The following SCRG1 variants were observed in gnomAD, a reference collection of about 807,000 sequenced individuals.
SCRG1 encodes scrapie-responsive protein 1.
A neutral mutation model predicts 7.7 loss-of-function variants in SCRG1; 3 were observed. That is an observed-to-expected ratio of 0.39 (90% CI 0.18 to 1.01). The LOEUF (loss-of-function observed/expected upper bound fraction) is 1.01, where lower values mean the gene tolerates loss of function less well. SCRG1 is among the 50% of genes least tolerant of loss of function. The pLI is 0.36. For synonymous variants in SCRG1, 46 were observed against 41.2 expected (o/e 1.12, Z -0.44); for missense variants, 110 against 117.2 (o/e 0.94, Z 0.28).
chr4:173,418,080 C>T, the SCRG1 span, among the ~76,000 whole-genome samples: 25 of 151,998 alleles, frequency 1.6e-4, no homozygotes, highest in Non-Finnish European at 3.2e-4. Flanking sequence ...TGGCAATTGG[C>T]ATAGATCCCA....
At chr4:173,426,701 T>C in the SCRG1 span, among the ~76,000 whole-genome samples, 20 of 152,188 alleles carry the variant, frequency 1.3e-4, no homozygotes. Flanking sequence ...ACTCCTGGGC[T>C]CAAGCAGTCC....
At chr4:173,464,417 TCAATTAA>T in the SCRG1 span, among the ~76,000 whole-genome samples, 2 of 152,204 alleles carry the variant, frequency 1.3e-5, no homozygotes, top group Non-Finnish European at 2.9e-5. Context: ...TTGTACCTTC[TCAATTAA>T]CAAAATAACC....
the SCRG1 span, among the ~76,000 whole-genome samples, chr4:173,423,846 T>C: frequency 6.6e-6 from 1 of 152,166 alleles, no homozygotes; most frequent in Non-Finnish European, 1.5e-5. Context: ...GGCATAGTAC[T>C]AGTGTCTGCT....
At chr4:173,463,185 G>A in the SCRG1 span, among the ~76,000 whole-genome samples, 9 of 152,142 alleles carry the variant, frequency 5.9e-5, no homozygotes, top group Non-Finnish European at 8.8e-5. Flanking sequence ...AGCTGCCTTG[G>A]GTGTAGGAAT....
chr4:173,494,177 C>A, the SCRG1 span, among the ~76,000 whole-genome samples: 2 of 152,158 alleles, frequency 1.3e-5, no homozygotes, highest in African/African-American at 4.8e-5. Context: ...CAGGTACGTG[C>A]ACACCCAGGC....
chr4:173,408,746 C>A (rs1739972821), upstream of SCRG1, among the ~76,000 whole-genome samples: 2 of 152,084 alleles, frequency 1.3e-5, no homozygotes, highest in African/African-American at 2.4e-5. Flanking sequence ...GTAATCCCAG[C>A]ATTTTGGGAG....
chr4:173,457,498 T>G, the SCRG1 span, among the ~76,000 whole-genome samples: 1 of 152,180 alleles, frequency 6.6e-6, no homozygotes, highest in Non-Finnish European at 1.5e-5. Flanking sequence ...CTTTATCAAT[T>G]AAAAACATAA....
At chr4:173,423,624 T>C in the SCRG1 span, among the ~76,000 whole-genome samples, 3 of 152,176 alleles carry the variant, frequency 2.0e-5, no homozygotes, top group Non-Finnish European at 4.4e-5. Context: ...AATACTTTCA[T>C]ATACTATAAT....
the SCRG1 span, among the ~76,000 whole-genome samples, chr4:173,415,355 G>A: frequency 3.3e-5 from 5 of 152,168 alleles, no homozygotes; most frequent in South Asian, 4.1e-4. Context: ...TGTAACCCCC[G>A]TTTCCTTTTT....
the SCRG1 span, among the ~76,000 whole-genome samples, chr4:173,476,514 A>G: frequency 1.6e-4 from 25 of 151,852 alleles, no homozygotes; most frequent in Non-Finnish European, 2.4e-4. Flanking sequence ...GAGCCCACCC[A>G]ATGCCTTGGT....
chr4:173,449,925 C>T, the SCRG1 span, among the ~76,000 whole-genome samples: 2 of 152,168 alleles, frequency 1.3e-5, no homozygotes, highest in South Asian at 2.1e-4. Flanking sequence ...AATAGTCTGA[C>T]ATTATACAGT....
At chr4:173,472,261 T>C in the SCRG1 span, among the ~76,000 whole-genome samples, 1 of 152,248 alleles carries the variant, frequency 6.6e-6, no homozygotes, top group Non-Finnish European at 1.5e-5. Flanking sequence ...TTTATGATTT[T>C]CTTTACCAGT....
the SCRG1 span, among the ~76,000 whole-genome samples, chr4:173,479,190 G>C: frequency 6.6e-6 from 1 of 152,108 alleles, no homozygotes; most frequent in Non-Finnish European, 1.5e-5. Flanking sequence ...GGGGACTCCT[G>C]CACAGAACTC....
the SCRG1 span, chr4:173,420,246 A>C: frequency 3.9e-6 from 1 of 256,688 alleles, no homozygotes; most frequent in South Asian, 4.4e-5. Context: ...ACCTTGATCT[A>C]CTTTTTTCTC....
chr4:173,427,320 C>G, the SCRG1 span, among the ~76,000 whole-genome samples: 1 of 151,854 alleles, frequency 6.6e-6, no homozygotes, highest in Non-Finnish European at 1.5e-5. Flanking sequence ...GTGGAAAAAG[C>G]AAAAACAAGA....
the SCRG1 span, among the ~76,000 whole-genome samples, chr4:173,420,916 G>A: frequency 1.1e-4 from 17 of 152,264 alleles, no homozygotes; most frequent in African/African-American, 4.1e-4. Flanking sequence ...AGTGTGTGAG[G>A]TGGGGCAGGG....
the SCRG1 span, among the ~76,000 whole-genome samples, chr4:173,416,311 G>A: frequency 6.6e-6 from 1 of 152,240 alleles, no homozygotes; most frequent in African/African-American, 2.4e-5. Flanking sequence ...ACGCCTGTGC[G>A]CAGATCCTGT....
chr4:173,502,541 A>G, the SCRG1 span, among the ~76,000 whole-genome samples: 1 of 152,126 alleles, frequency 6.6e-6, no homozygotes, highest in Non-Finnish European at 1.5e-5. This position sits in a 1 kb window ranked among gnomAD's most constrained non-coding sequence, Gnocchi z 4.6. Flanking sequence ...TAAGCCTGCA[A>G]GTTTAAGAGA....
the SCRG1 span, among the ~76,000 whole-genome samples, chr4:173,483,950 A>C: frequency 4.8e-5 from 4 of 84,124 alleles, no homozygotes; most frequent in Non-Finnish European, 6.1e-5. Flanking sequence ...TAAATCATAT[A>C]TAATATATTA....
Sources: allele counts gnomAD v4.1 joint callset (sites outside exome capture counted in the v4.1 genomes callset), GRCh38; gene constraint gnomAD v4.1.1; non-coding constraint Gnocchi (gnomAD v3.1); transcripts MANE v1.5; gene names NCBI Gene and HGNC (gene_info 2026-07-23, HGNC 2026-07-21).